Variants in GALNTL6 observed in about 807,000 individuals in gnomAD.
The protein encoded by GALNTL6 is polypeptide N-acetylgalactosaminyltransferase-like 6.
GALNTL6 carries 46 observed loss-of-function variants against 73.7 expected under a neutral mutation model. That is an observed-to-expected ratio of 0.62 (90% confidence interval 0.49 to 0.80). The LOEUF (loss-of-function observed/expected upper bound fraction) is 0.80, where lower values mean the gene tolerates loss of function less well. Among genes scored for constraint, GALNTL6 ranks in the 30% least tolerant of loss-of-function variants. The pLI is 0.00. For synonymous variants in GALNTL6, 259 were observed against 263.7 expected (o/e 0.98, Z 0.17); for missense variants, 604 against 755.0 (o/e 0.80, Z 2.34).
chr4:172,864,149 A>G (rs1561000418), intron 7 of GALNTL6, among the ~76,000 whole-genome samples: 3 of 152,162 alleles, frequency 2.0e-5, no homozygotes, highest in Non-Finnish European at 4.4e-5. Flanking sequence ...TCCGTTATAA[A>G]TTACCCAGTC....
intron 5 of GALNTL6, among the ~76,000 whole-genome samples, chr4:172,372,409 C>T (rs1197245009): frequency 6.6e-5 from 10 of 152,152 alleles, no homozygotes; most frequent in African/African-American, 2.4e-4. Flanking sequence ...ACCTAGTATG[C>T]CATTGACATT....
chr4:172,706,665 T>C (rs1734374775), intron 5 of GALNTL6, among the ~76,000 whole-genome samples: 1 of 152,142 alleles, frequency 6.6e-6, no homozygotes, highest in Non-Finnish European at 1.5e-5. Context: ...CATTAGGTGG[T>C]TTCCTAAGCC....
At chr4:172,733,963 G>A (rs1241800888) in intron 5 of GALNTL6, among the ~76,000 whole-genome samples, 2 of 152,188 alleles carry the variant, frequency 1.3e-5, no homozygotes, top group Admixed American at 6.5e-5. Flanking sequence ...ACAGGAAGAT[G>A]TGGGAAGTTT....
At chr4:172,742,294 A>G (rs576194504) in intron 5 of GALNTL6, among the ~76,000 whole-genome samples, 11 of 152,012 alleles carry the variant, frequency 7.2e-5, no homozygotes, top group Admixed American at 6.6e-4. Flanking sequence ...ATGAAGTACT[A>G]TGACGCACCA....
intron 12 of GALNTL6, among the ~76,000 whole-genome samples, chr4:173,032,813 G>A (rs1455143762): frequency 6.6e-6 from 1 of 150,558 alleles, no homozygotes; most frequent in Non-Finnish European, 1.5e-5. Context: ...TAACACATCA[G>A]GATTGATTTT....
At chr4:172,761,883 G>A (rs952646692) in intron 5 of GALNTL6, among the ~76,000 whole-genome samples, 11 of 152,036 alleles carry the variant, frequency 7.2e-5, no homozygotes, top group African/African-American at 2.7e-4. Context: ...GTGTGAAAAC[G>A]AACTAATACA....
chr4:172,787,202 C>T (rs550483627), intron 5 of GALNTL6, among the ~76,000 whole-genome samples: 2 of 152,290 alleles, frequency 1.3e-5, no homozygotes, highest in East Asian at 3.9e-4. Context: ...AGATTTCAAA[C>T]CATAATGACC....
chr4:172,120,462 T>C (rs2110997016), intron 2 of GALNTL6, among the ~76,000 whole-genome samples: 1 of 152,120 alleles, frequency 6.6e-6, no homozygotes. Flanking sequence ...CCCTTTTTTT[T>C]CTCATATAAC....
intron 4 of GALNTL6, among the ~76,000 whole-genome samples, chr4:172,346,795 A>G (rs1264583245): frequency 6.6e-6 from 1 of 152,070 alleles, no homozygotes; most frequent in Non-Finnish European, 1.5e-5. Flanking sequence ...TTTATATTTC[A>G]TGTGTACTAG....
At chr4:172,474,460 C>G (rs1334224212) in intron 5 of GALNTL6, among the ~76,000 whole-genome samples, 1 of 152,132 alleles carries the variant, frequency 6.6e-6, no homozygotes, top group Non-Finnish European at 1.5e-5. Flanking sequence ...AACTGTTTTG[C>G]CCATTGGTAT....
intron 7 of GALNTL6, among the ~76,000 whole-genome samples, chr4:172,841,788 A>G (rs73871881): frequency 0.025 from 3,822 of 152,254 alleles, 167 homozygotes; most frequent in African/African-American, 0.085. Context: ...ACATTTCCAG[A>G]TGAGATTTGG....
At chr4:172,288,050 G>C (rs1165834721) in intron 3 of GALNTL6, among the ~76,000 whole-genome samples, 1 of 151,896 alleles carries the variant, frequency 6.6e-6, no homozygotes, top group Non-Finnish European at 1.5e-5. Context: ...GAATTATTCT[G>C]CTGTTTCCCA....
chr4:172,199,338 G>A (rs1211789167), intron 2 of GALNTL6, among the ~76,000 whole-genome samples: 1 of 152,122 alleles, frequency 6.6e-6, no homozygotes, highest in Non-Finnish European at 1.5e-5. Flanking sequence ...GACCATCTCA[G>A]TAAATTTTAG....
intron 10 of GALNTL6, among the ~76,000 whole-genome samples, chr4:172,974,801 C>A (rs1426723813): frequency 2.0e-5 from 3 of 152,240 alleles, no homozygotes; most frequent in Non-Finnish European, 4.4e-5. Context: ...ATGCCGGCTG[C>A]AGCAGGGCAG....
intron 5 of GALNTL6, among the ~76,000 whole-genome samples, chr4:172,600,179 A>G (rs768582698): frequency 1.3e-5 from 2 of 152,122 alleles, no homozygotes; most frequent in Non-Finnish European, 2.9e-5. Context: ...GTTGAATTAC[A>G]TCAGCTCTGT....
chr4:172,327,653 G>T lies in GALNTL6; in HGVS notation c.386+15901G>T, dbSNP rs201221825. ...CTTCACCATTATGTAATGACCTTCT[G>T]TGTCTTTTTTTGATATTTGTTGGTT... is the stretch of plus-strand genomic sequence containing the variant. On this transcript the variant is annotated intron_variant, in intron 4 of 12. Transcript: ENST00000506823. 8.1e-4 allele frequency among the ~76,000 whole-genome samples: 123 copies of T among 152,128 alleles called. 2 individuals carry two copies. The South Asian group carries it at 0.016, about 20-fold the overall frequency.
rs908954191 is a variant in GALNTL6, at chr4:172,257,009, A to G, written c.247+27245A>G. 5.9e-5 allele frequency among the ~76,000 whole-genome samples: 9 copies of G among 151,410 alleles called. 1 individual carries two copies. In the South Asian group the frequency reaches 1.9e-3, roughly 31 times the overall value. On this transcript the variant is annotated intron_variant, in intron 3 of 12. Transcript: ENST00000506823. ...CCCTTAGCCCTGCCAGCTCATGTAC[A>G]ATTGGTAAGTAGGGAAATGACGTCA...
chr4:171,834,465 T>C (rs182737723), intron 2 of GALNTL6, among the ~76,000 whole-genome samples: 13 of 152,088 alleles, frequency 8.5e-5, no homozygotes, highest in African/African-American at 2.9e-4. Flanking sequence ...TTGAGATTGA[T>C]TGGCCTGATA....
chr4:172,658,701 T>C (rs1414935615), intron 5 of GALNTL6, among the ~76,000 whole-genome samples: 1 of 152,094 alleles, frequency 6.6e-6, no homozygotes, highest in Non-Finnish European at 1.5e-5. Context: ...AAAGATGAGG[T>C]GGCCCCAGCT....
Sources: allele counts gnomAD v4.1 joint callset (sites outside exome capture counted in the v4.1 genomes callset), GRCh38; gene constraint gnomAD v4.1.1; transcripts MANE v1.5; gene names NCBI Gene and HGNC (gene_info 2026-07-23, HGNC 2026-07-21).